Variants in CEP112 observed in about 807,000 individuals in gnomAD.
CEP112 encodes the protein centrosomal protein 112.
In CEP112, 127 loss-of-function variants were observed where a neutral mutation model predicts 153.0. That is an observed-to-expected ratio of 0.83 (90% CI 0.72 to 0.96). The LOEUF is 0.96. Among genes scored for constraint, CEP112 ranks in the 40% least tolerant of loss-of-function variants. The probability of loss-of-function intolerance (pLI) is 0.00; values close to 1 mark genes in which losing one functional copy is unlikely to be tolerated. For synonymous variants in CEP112, 358 were observed against 374.4 expected, an observed-to-expected ratio of 0.96 and a Z score of 0.51; for missense variants, 1,089 against 1,101.2, an observed-to-expected ratio of 0.99 and a Z score of 0.16.
intron 8 of CEP112, among the ~76,000 whole-genome samples, chr17:66,081,524 T>A (rs1292234778): frequency 1.3e-5 from 2 of 151,902 alleles, no homozygotes; most frequent in African/African-American, 2.4e-5. Flanking sequence ...ATGAAATCTA[T>A]AACAGTTCTG....
chr17:65,881,016 A>G (rs1306126676), intron 20 of CEP112, among the ~76,000 whole-genome samples: 1 of 152,178 alleles, frequency 6.6e-6, no homozygotes, highest in Non-Finnish European at 1.5e-5. Flanking sequence ...GGAGATCCAG[A>G]CCATCCTGGC....
intron 6 of CEP112, among the ~76,000 whole-genome samples, chr17:66,127,525 T>C (rs894913107): frequency 1.3e-5 from 1 of 78,948 alleles, no homozygotes; most frequent in Admixed American, 1.6e-4. Context: ...CTCCCAAAAT[T>C]AATAGGAGGC....
intron 24 of CEP112, among the ~76,000 whole-genome samples, chr17:65,669,192 A>C (rs1410929507): frequency 6.6e-6 from 1 of 152,204 alleles, no homozygotes; most frequent in Admixed American, 6.5e-5. Context: ...TGTTAAGATT[A>C]ATTCTTTTAC....
intron 4 of CEP112, among the ~76,000 whole-genome samples, chr17:66,167,368 G>A (rs1407207960): frequency 2.0e-5 from 3 of 151,358 alleles, no homozygotes; most frequent in African/African-American, 4.9e-5. Flanking sequence ...GGCTCTACAC[G>A]TCTTATTTCA....
intron 2 of CEP112, among the ~76,000 whole-genome samples, chr17:66,177,762 AGTTC>A (rs2072548404): frequency 6.6e-6 from 1 of 151,468 alleles, no homozygotes; most frequent in African/African-American, 2.4e-5. Context: ...TATCTCCATG[AGTTC>A]AGTTGTCTTA....
At chr17:65,734,009 C>T (rs1439356250) in intron 23 of CEP112, among the ~76,000 whole-genome samples, 1 of 152,232 alleles carries the variant, frequency 6.6e-6, no homozygotes, top group Non-Finnish European at 1.5e-5. Flanking sequence ...TCACTGGGGA[C>T]ACTCACACAT....
At chr17:66,069,043 T>C (rs939330086) in intron 9 of CEP112, among the ~76,000 whole-genome samples, 2 of 151,742 alleles carry the variant, frequency 1.3e-5, no homozygotes, top group African/African-American at 2.4e-5. Flanking sequence ...GTTTCCTCCT[T>C]ATTGCTTTAA....
intron 23 of CEP112, among the ~76,000 whole-genome samples, chr17:65,740,362 C>T (rs533939800): frequency 1.3e-4 from 20 of 152,206 alleles, no homozygotes; most frequent in African/African-American, 4.6e-4. Flanking sequence ...AAGCTTAGTG[C>T]GATTATTAAT....
At chr17:65,874,219 T>G (rs1172509770) in intron 20 of CEP112, among the ~76,000 whole-genome samples, 3 of 152,168 alleles carry the variant, frequency 2.0e-5, no homozygotes, top group Non-Finnish European at 4.4e-5. Context: ...TCACAAATCT[T>G]GCAAGTAGGA....
intron 6 of CEP112, among the ~76,000 whole-genome samples, chr17:66,113,062 TC>T (rs1201871692): frequency 6.6e-6 from 1 of 151,690 alleles, no homozygotes; most frequent in East Asian, 1.9e-4. Flanking sequence ...AGAGCGAAAC[TC>T]CGTCTCAAAA....
At chr17:65,744,169 C>T (rs1162566213) in intron 22 of CEP112, among the ~76,000 whole-genome samples, 2 of 152,196 alleles carry the variant, frequency 1.3e-5, no homozygotes, top group African/African-American at 4.8e-5. Context: ...TTGAACCATG[C>T]AGTCAGACCA....
At chr17:65,736,639 T>C (rs2050819483) in intron 23 of CEP112, among the ~76,000 whole-genome samples, 1 of 152,136 alleles carries the variant, frequency 6.6e-6, no homozygotes, top group Admixed American at 6.5e-5. Flanking sequence ...GAAAGGTAGA[T>C]GCCCCAGGAA....
At chr17:65,881,057 T>C (rs2059049279) in intron 20 of CEP112, among the ~76,000 whole-genome samples, 2 of 151,964 alleles carry the variant, frequency 1.3e-5, no homozygotes, top group Non-Finnish European at 2.9e-5. Flanking sequence ...TCTACTAAAA[T>C]ACAAAAAATT....
At chr17:66,039,723 T>C (rs2065892220) in intron 12 of CEP112, among the ~76,000 whole-genome samples, 1 of 152,176 alleles carries the variant, frequency 6.6e-6, no homozygotes, top group African/African-American at 2.4e-5. Flanking sequence ...ATTGCCAGCC[T>C]CCCTAAAGCC....
intron 19 of CEP112, among the ~76,000 whole-genome samples, chr17:65,908,274 G>A (rs1298237434): frequency 2.0e-5 from 3 of 152,236 alleles, no homozygotes; most frequent in African/African-American, 4.8e-5. Flanking sequence ...CAGCCCTCAT[G>A]TGCAAGCACC....
intron 21 of CEP112, among the ~76,000 whole-genome samples, chr17:65,769,540 T>C (rs964079241): frequency 4.6e-5 from 7 of 152,074 alleles, no homozygotes; most frequent in Non-Finnish European, 8.8e-5. Flanking sequence ...GCAACCAAAA[T>C]TGTATGGTAC....
chr17:66,129,790 C>T lies in CEP112; in HGVS notation c.598G>A (p.Asp200Asn), dbSNP rs767512764. The T allele has an allele frequency of 6.2e-7, 1 of 1,611,874 alleles. No individual in the cohort carries two copies. The highest frequency in any genetic ancestry group is 8.5e-7 in the Non-Finnish European group (1 of 1,179,094). The change falls in exon 6 of 27, where the codon GAT (aspartate) becomes AAT (asparagine). Residue 200 changes from aspartate (D) to asparagine (N), a missense_variant. Physicochemically the swap from Asp to Asn is conservative, Grantham distance 23 (BLOSUM62 1). Transcript: ENST00000535342. ...VYSKKSPVSL[D>N]DSDIEARLNS... ...AGGCGAGCTTCAATGTCACTATCAT[C>T]CAAAGAAACAGGAGATTTTTTCGAA...
chr17:66,141,399 GTTT>G (rs962543786), intron 4 of CEP112, among the ~76,000 whole-genome samples: 32 of 112,866 alleles, frequency 2.8e-4, no homozygotes, highest in Middle Eastern at 5.2e-3. Flanking sequence ...TTTTAAAATA[GTTT>G]TTTTCTTTTA....
intron 20 of CEP112, among the ~76,000 whole-genome samples, chr17:65,875,196 T>G (rs1291921987): frequency 6.7e-6 from 1 of 149,538 alleles, no homozygotes; most frequent in Non-Finnish European, 1.5e-5. Flanking sequence ...AGTCAGAAAT[T>G]TGTCCAAACC....
Sources: gnomAD v4.1 joint callset for allele counts (sites outside exome capture counted in the v4.1 genomes callset) on GRCh38, gnomAD v4.1.1 for gene constraint, MANE v1.5 for transcripts, NCBI Gene and HGNC (gene_info 2026-07-23, HGNC 2026-07-21) for gene names.